The following GRM3 variants were observed in gnomAD, a reference collection of about 807,000 sequenced individuals.
GRM3 encodes the protein metabotropic glutamate receptor 3.
In GRM3, 26 loss-of-function variants were observed where a neutral mutation model predicts 70.5. The observed-to-expected ratio is 0.37, with a 90% CI of 0.27 to 0.51. GRM3 has a LOEUF of 0.51. GRM3 is among the 20% of genes least tolerant of loss of function. The pLI, the probability that GRM3 is intolerant of heterozygous loss-of-function variation, is 0.93. For missense variants in GRM3, 859 were observed against 1,123.8 expected (o/e 0.76, Z 3.37); for synonymous variants, 443 against 434.9 (o/e 1.02, Z -0.23).
chr7:86,746,807 T>G (rs927493346), intron 1 of GRM3, among the ~76,000 whole-genome samples: 1 of 152,076 alleles, frequency 6.6e-6, no homozygotes, highest in Non-Finnish European at 1.5e-5. Context: ...TCAGCTTTTT[T>G]GAATAATAGG....
chr7:86,817,972 A>G (rs1474301632), intron 3 of GRM3, among the ~76,000 whole-genome samples: 1 of 152,002 alleles, frequency 6.6e-6, no homozygotes, highest in Non-Finnish European at 1.5e-5. Context: ...ACATGCACAC[A>G]TATATACAAC....
At chr7:86,862,329 T>C (rs1283165146) in intron 5 of GRM3, among the ~76,000 whole-genome samples, 2 of 152,192 alleles carry the variant, frequency 1.3e-5, no homozygotes, top group Non-Finnish European at 2.9e-5. Flanking sequence ...TTACCTTACC[T>C]ACATTTGATG....
chr7:86,750,514 G>C lies in GRM3; in HGVS notation c.-140-14492G>C, dbSNP rs114047600. On this transcript the variant is annotated intron_variant, in intron 1 of 5. Coordinates refer to ENST00000361669, the MANE Select transcript of GRM3 (RefSeq NM_000840.3). ...AGAAAAAGCATGAGGAGTTATCTTA[G>C]TGTTTCCTAGCCACTAAAGAAATTG... is the stretch of plus-strand genomic sequence containing the variant. Among the ~76,000 whole-genome samples, 1,511 of 152,128 alleles carry C rather than the reference G, an allele frequency of 9.9e-3. 21 individuals are homozygous for C. The highest frequency in any genetic ancestry group is 0.034 in the African/African-American group (1,417 of 41,540).
chr7:86,797,175 G>T (rs1273476674), intron 3 of GRM3, among the ~76,000 whole-genome samples: 1 of 152,208 alleles, frequency 6.6e-6, no homozygotes. Context: ...TGAAAATGTG[G>T]AAGCGACTTT....
rs75128283 is a variant in GRM3, at chr7:86,772,411, T to C, written c.468+6798T>C. Among the ~76,000 whole-genome samples, 275 of 152,172 alleles carry C rather than the reference T, an allele frequency of 1.8e-3. 1 individual carries two copies. The highest frequency in any genetic ancestry group is 3.1e-3 in the Admixed American group (47 of 15,252). On this transcript the variant is annotated intron_variant, in intron 2 of 5. Coordinates refer to ENST00000361669, the MANE Select transcript of GRM3 (RefSeq NM_000840.3). ...TTGTTTAGATATAAAAGACAGACAA[T>C]GTTGCAAGGCGAGCATGTGGGACAA...
chr7:86,654,100 C>T (rs561694046), intron 1 of GRM3, among the ~76,000 whole-genome samples: 1 of 152,296 alleles, frequency 6.6e-6, no homozygotes, highest in Admixed American at 6.5e-5. Context: ...CGGCAATCCT[C>T]ACAAATACTG....
At chr7:86,769,275 C>A (rs139040127) in intron 2 of GRM3, among the ~76,000 whole-genome samples, 155 of 151,976 alleles carry the variant, frequency 1.0e-3, no homozygotes, top group Admixed American at 3.7e-3. Context: ...TGAACTGAGC[C>A]GGGGGAAAAA....
intron 2 of GRM3, among the ~76,000 whole-genome samples, chr7:86,785,240 G>A (rs1797195024): frequency 6.6e-6 from 1 of 152,160 alleles, no homozygotes; most frequent in South Asian, 2.1e-4. Flanking sequence ...TCCTACGTGA[G>A]GTAGACAGGA....
At chr7:86,811,330 C>G (rs753258707) in intron 3 of GRM3, among the ~76,000 whole-genome samples, 1 of 151,544 alleles carries the variant, frequency 6.6e-6, no homozygotes, top group Non-Finnish European at 1.5e-5. Flanking sequence ...AACTTTTGAA[C>G]CTTAAGCCAT....
intron 3 of GRM3, among the ~76,000 whole-genome samples, chr7:86,814,586 T>A (rs1328038760): frequency 2.6e-5 from 4 of 151,832 alleles, no homozygotes; most frequent in Non-Finnish European, 5.9e-5. Context: ...CTTTTTTAAA[T>A]GAGGCTTTCT....
Position 86,864,435 on chromosome 7 carries a change from G to C in GRM3, c.*80G>C. On this transcript the variant is annotated 3_prime_UTR_variant, in exon 6 of 6. Coordinates refer to ENST00000361669, the MANE Select transcript of GRM3 (RefSeq NM_000840.3). The stretch of plus-strand genomic sequence containing the variant: ...CGTGCAGCTCCAGAATATGGAAACA[G>C]AGCAAAAGAACAACCCTAGTACCTT... 1.0e-6 allele frequency: 1 copy of C among 988,084 alleles called. No homozygotes were observed. Among genetic ancestry groups the C allele is most frequent in the Non-Finnish European group, 1.6e-6 (1 of 608,248 alleles). The allele number at this position is 988,084 out of a possible 1,614,324, so 61.2% of individuals were successfully genotyped here. A position where few individuals can be genotyped will look rare whatever the true frequency, so the allele number is the denominator to read the frequency against.
intron 1 of GRM3, among the ~76,000 whole-genome samples, chr7:86,728,577 C>T (rs1271606750): frequency 2.0e-5 from 3 of 152,174 alleles, no homozygotes; most frequent in African/African-American, 7.2e-5. Flanking sequence ...AAAGTCCTGG[C>T]ATGGTGCTGT....
intron 1 of GRM3, among the ~76,000 whole-genome samples, chr7:86,688,746 C>T (rs563576714): frequency 1.4e-5 from 2 of 144,554 alleles, no homozygotes; most frequent in Non-Finnish European, 3.0e-5. Context: ...ATATATATAT[C>T]GTATATATAT....
At chr7:86,810,013 A>T (rs1185558849) in intron 3 of GRM3, among the ~76,000 whole-genome samples, 1 of 152,094 alleles carries the variant, frequency 6.6e-6, no homozygotes, top group Admixed American at 6.6e-5. Context: ...AACATGAAGG[A>T]TAAATTATTT....
At chr7:86,776,127 A>G (rs1796883806) in intron 2 of GRM3, 1 of 152,112 alleles carries the variant, frequency 6.6e-6, no homozygotes, top group South Asian at 2.1e-4. Context: ...AGCTATTATC[A>G]CCCTCTCTAT....
intron 3 of GRM3, among the ~76,000 whole-genome samples, chr7:86,800,905 C>T (rs1322033444): frequency 2.0e-5 from 3 of 151,930 alleles, no homozygotes; most frequent in Non-Finnish European, 2.9e-5. Flanking sequence ...TATGGCAAAC[C>T]GAATCCAGCA....
chr7:86,854,937 A>G (rs764957111), intron 5 of GRM3, among the ~76,000 whole-genome samples: 4 of 152,260 alleles, frequency 2.6e-5, no homozygotes, highest in Non-Finnish European at 4.4e-5. Context: ...CTCCCTCTGG[A>G]ACTTTCAGGG....
At chr7:86,653,447 T>G (rs796805751) in intron 1 of GRM3, among the ~76,000 whole-genome samples, 6 of 152,342 alleles carry the variant, frequency 3.9e-5, no homozygotes, top group African/African-American at 1.4e-4. Flanking sequence ...ATTAACCAGT[T>G]GTATAAAGTA....
At chr7:86,694,531 A>T (rs1794769893) in intron 1 of GRM3, among the ~76,000 whole-genome samples, 1 of 143,368 alleles carries the variant, frequency 7.0e-6, no homozygotes. Flanking sequence ...AAAAAAAAGA[A>T]AAGAAAGAAA....
Sources: allele counts gnomAD v4.1 joint callset (sites outside exome capture counted in the v4.1 genomes callset), GRCh38; gene constraint gnomAD v4.1.1; transcripts MANE v1.5; gene names NCBI Gene and HGNC (gene_info 2026-07-23, HGNC 2026-07-21).